Variants in SHOC1 observed in about 807,000 individuals in gnomAD.
SHOC1 encodes protein shortage in chiasmata 1 ortholog.
Under a neutral mutation model 179.2 loss-of-function variants are expected in SHOC1, and 136 were observed. That is an observed-to-expected ratio of 0.76 (90% CI 0.66 to 0.87). SHOC1 has a LOEUF of 0.87. Among genes scored for constraint, SHOC1 ranks in the 40% least tolerant of loss-of-function variants. The pLI is 0.00. For missense variants in SHOC1, 1,538 were observed against 1,700.8 expected, an observed-to-expected ratio of 0.90 and a Z score of 1.68; for synonymous variants, 489 against 586.6, an observed-to-expected ratio of 0.83 and a Z score of 2.41.
Position 111,764,961 on chromosome 9 carries a change from C to T in SHOC1, c.443-6113G>A, listed in dbSNP as rs369873572. 5.3e-5 allele frequency among the ~76,000 whole-genome samples: 8 copies of T among 151,312 alleles called. No individual in the cohort carries two copies. The East Asian group carries it at 9.8e-4, about 19-fold the overall frequency. ...TTCGAGACCAGCCAGGCCAAAATGG[C>T]GAAACTCTATCTCTACTAAAAATAT... On this transcript the variant is annotated intron_variant, in intron 5 of 27. Coordinates refer to ENST00000682961, the MANE Select transcript of SHOC1 (RefSeq NM_001378211.1).
At chr9:111,687,712 G>T (rs918862864) in intron 27 of SHOC1, among the ~76,000 whole-genome samples, 3 of 151,744 alleles carry the variant, frequency 2.0e-5, no homozygotes, top group African/African-American at 7.3e-5. Flanking sequence ...ATCCATCTTT[G>T]TGGTGAGAGT....
At chr9:111,778,005 G>A (rs1186157125) in intron 4 of SHOC1, among the ~76,000 whole-genome samples, 1 of 152,122 alleles carries the variant, frequency 6.6e-6, no homozygotes, top group Non-Finnish European at 1.5e-5. Flanking sequence ...TTACATAGGT[G>A]CTGTCTTTTT....
chr9:111,714,732 C>T, intron 16 of SHOC1, 109 bp from the exon 17 acceptor site: 1 of 968,222 alleles, frequency 1.0e-6, no homozygotes, highest in East Asian at 2.6e-5. Context: ...GTTAAAATTT[C>T]CTTTAATTGT....
At chr9:111,753,584 C>T (rs7042766) in intron 8 of SHOC1, among the ~76,000 whole-genome samples, 64,216 of 151,920 alleles carry the variant, frequency 0.42, 14,713 homozygotes, top group East Asian at 0.77. Context: ...TTGTATCTGA[C>T]GGCATATTAC....
chr9:111,712,966 T>G, intron 18 of SHOC1, 134 bp downstream of exon 18: 11 of 592,750 alleles, frequency 1.9e-5, no homozygotes, highest in East Asian at 3.0e-5. Context: ...TAGATCCCAA[T>G]GAGTTATACG....
chr9:111,721,909 C>T (rs1025254820), intron 15 of SHOC1, among the ~76,000 whole-genome samples: 3 of 152,160 alleles, frequency 2.0e-5, no homozygotes, highest in African/African-American at 7.2e-5. Context: ...CACTCATTTC[C>T]TCTCTCTCAG....
chr9:111,695,269 A>G (rs550067204), intron 24 of SHOC1, among the ~76,000 whole-genome samples: 68 of 152,326 alleles, frequency 4.5e-4, no homozygotes, highest in African/African-American at 1.6e-3. Context: ...AAACTGTAGA[A>G]ATCTCACAAA....
At chr9:111,688,161 T>C (rs1351894306) in intron 27 of SHOC1, among the ~76,000 whole-genome samples, 1 of 152,208 alleles carries the variant, frequency 6.6e-6, no homozygotes, top group Non-Finnish European at 1.5e-5. Context: ...CTGCAAATTT[T>C]TGTGGTATGA....
Position 111,693,948 on chromosome 9 carries a change from C to T in SHOC1, c.3316G>A (p.Glu1106Lys), listed in dbSNP as rs146978774. ...GGAAAATCAAGTAAGTACATTTCTTCCTAGAAAAGAGTTTAAGAAATAATC... is the reference window on the plus strand; with the variant it reads ...GGAAAATCAAGTAAGTACATTTCTTTCTAGAAAAGAGTTTAAGAAATAATC... ...KSWLKVSPSEEEMYLLDFPCI... is the reference protein window; with the variant it reads ...KSWLKVSPSEKEMYLLDFPCI... The change falls in exon 26 of 28, where the codon GAA becomes AAA. Residue 1106 changes from glutamate to lysine, a missense_variant and splice_region_variant. Physicochemically the swap from Glu to Lys is moderately conservative, Grantham distance 56. Transcript: ENST00000682961. 2,364 of 1,603,568 alleles carry T rather than the reference C, an allele frequency of 1.5e-3. 1 individual carries two copies. Among genetic ancestry groups the T allele is most frequent in the Non-Finnish European group, 1.8e-3 (2,162 of 1,174,100 alleles).
chr9:111,738,251 ATAAC>A, intron 12 of SHOC1, 25 bp downstream of exon 12: 1 of 1,568,922 alleles, frequency 6.4e-7, no homozygotes, highest in African/African-American at 1.4e-5. Context: ...AAATGTTTAC[ATAAC>A]TAATATTTAC....
At chr9:111,715,388 G>C (rs1477877488) in intron 16 of SHOC1, among the ~76,000 whole-genome samples, 1 of 152,154 alleles carries the variant, frequency 6.6e-6, no homozygotes, top group Non-Finnish European at 1.5e-5. Context: ...TTTTATGTAT[G>C]TGTGCATATT....
chr9:111,690,204 A>G (rs1039163979), intron 27 of SHOC1, among the ~76,000 whole-genome samples: 1 of 152,176 alleles, frequency 6.6e-6, no homozygotes, highest in African/African-American at 2.4e-5. Flanking sequence ...CGGGTAGATT[A>G]CTTGAGCCGA....
chr9:111,737,496 A>T (rs1833858841), intron 12 of SHOC1, among the ~76,000 whole-genome samples: 1 of 151,960 alleles, frequency 6.6e-6, no homozygotes, highest in South Asian at 2.1e-4. Flanking sequence ...GTGAAACCCC[A>T]TCTCTACTAA....
At chr9:111,687,218 G>A (rs1831216651) in intron 27 of SHOC1, among the ~76,000 whole-genome samples, 1 of 152,098 alleles carries the variant, frequency 6.6e-6, no homozygotes, top group Non-Finnish European at 1.5e-5. Flanking sequence ...AAAGTGCTGG[G>A]ATTACAGGCA....
At position 111,686,400 on chromosome 9, in the gene SHOC1, T is replaced by C. The variant is rs1290997592; in HGVS notation, c.*370A>G. Reference sequence around the variant, plus strand: ...AAATGATACTTTAAGTTGGAAGTTTTCTAACTTCAATTTTGTCCTAGGTTT... The same window carrying C: ...AAATGATACTTTAAGTTGGAAGTTTCCTAACTTCAATTTTGTCCTAGGTTT... On this transcript the variant is annotated 3_prime_UTR_variant, in exon 28 of 28. Transcript: ENST00000682961. The C allele has an allele frequency of 6.5e-6, 1 of 153,682 alleles. No individual in the cohort carries two copies. Among genetic ancestry groups the C allele is most frequent in the Non-Finnish European group, 1.4e-5 (1 of 69,042 alleles). The allele number at this position is 153,682 out of a possible 1,614,324, so 9.5% of individuals were successfully genotyped here. A position where few individuals can be genotyped will look rare whatever the true frequency, so the allele number is the denominator to read the frequency against.
rs1446710645 is a variant in SHOC1, at chr9:111,707,916, G to A, written c.2497C>T (p.Leu833=). 6.4e-7 allele frequency: 1 copy of A among 1,553,162 alleles called. No individual in the cohort carries two copies. The highest frequency in any genetic ancestry group is 8.7e-7 in the Non-Finnish European group (1 of 1,153,238). The stretch of plus-strand genomic sequence containing the variant: ...CTTTCATTTGAATGAAGGACAGTCA[G>A]TGTTAAACCTGTTGGAAAAAAGAAT... ...KILNKIEGLT[L]TVLHSNERKD... Residue 833 remains leucine, a synonymous_variant, in exon 19 of 28, where the codon CTG becomes TTG. Coordinates refer to ENST00000682961, the MANE Select transcript of SHOC1 (RefSeq NM_001378211.1).
At chr9:111,733,288 AATT>A (rs1284826137) in intron 12 of SHOC1, among the ~76,000 whole-genome samples, 1 of 152,094 alleles carries the variant, frequency 6.6e-6, no homozygotes, top group Non-Finnish European at 1.5e-5. Context: ...TGTAGTTTAT[AATT>A]TTTTTTTTGC....
rs549824920 is a variant in SHOC1, at chr9:111,718,232, C to G, written c.2188G>C (p.Val730Leu). The change falls in exon 16 of 28, where the codon GTA becomes CTA. Residue 730 changes from valine to leucine, a missense_variant. Coordinates refer to ENST00000682961, the MANE Select transcript of SHOC1 (RefSeq NM_001378211.1). ...FKHAALLHLL[V>L]TIRDVLLTCS... ...GTTAAAAGGACATCTCTAATTGTTA[C>G]CAGAAGATGTAAGAGAGCGGCATGC... 1 of 1,600,298 alleles carries G rather than the reference C, an allele frequency of 6.2e-7. No homozygotes were observed. Among genetic ancestry groups the G allele is most frequent in the East Asian group, 2.3e-5 (1 of 44,098 alleles).
rs1831427315 is a variant in SHOC1, at chr9:111,691,630, G to A, written c.4347C>T (p.Tyr1449=). The A allele has an allele frequency of 1.2e-6, 2 of 1,613,876 alleles. No homozygotes were observed. Among genetic ancestry groups the A allele is most frequent in the South Asian group, 1.1e-5 (1 of 91,074 alleles). Residue 1449 remains tyrosine, a synonymous_variant, in exon 27 of 28, where the codon TAC becomes TAT. Transcript: ENST00000682961. ...NQKEFNSLYF[Y]QRAGKSLGQK... is the part of the protein sequence containing the mutation. ...GTCCTAAACTTTTTCCAGCTCTTTG[G>A]TAGAAATAAAGGCTGTTGAATTCTT...
Sources: allele counts gnomAD v4.1 joint callset (sites outside exome capture counted in the v4.1 genomes callset), GRCh38; gene constraint gnomAD v4.1.1; transcripts MANE v1.5; gene names NCBI Gene and HGNC (gene_info 2026-07-23, HGNC 2026-07-21).